GRID2: variants seen among roughly 807,000 people sequenced by gnomAD.
The protein encoded by GRID2 is glutamate receptor ionotropic, delta-2.
A neutral mutation model predicts 114.8 loss-of-function variants in GRID2; 33 were observed. That is an observed-to-expected ratio of 0.29 (90% confidence interval 0.22 to 0.38). GRID2 has a LOEUF of 0.38. Ranked by LOEUF, GRID2 falls within the 10% of genes least tolerant of loss-of-function variation. The probability of loss-of-function intolerance (pLI) is 1.00; values close to 1 mark genes in which losing one functional copy is unlikely to be tolerated. For missense variants in GRID2, 1,184 were observed against 1,257.7 expected (o/e 0.94, Z 0.89); for synonymous variants, 505 against 449.9 (o/e 1.12, Z -1.55).
intron 14 of GRID2, among the ~76,000 whole-genome samples, chr4:93,697,572 T>C (rs545469251): frequency 6.6e-6 from 1 of 152,014 alleles, no homozygotes; most frequent in Non-Finnish European, 1.5e-5. Flanking sequence ...TAATTTACTG[T>C]CCAGAAGAAG....
intron 2 of GRID2, among the ~76,000 whole-genome samples, chr4:93,056,988 A>T (rs921274388): frequency 6.6e-6 from 1 of 152,010 alleles, no homozygotes; most frequent in Non-Finnish European, 1.5e-5. Context: ...AATTTTATAA[A>T]TCCGAAGTAA....
At chr4:93,338,285 C>T (rs1759293120) in intron 8 of GRID2, among the ~76,000 whole-genome samples, 1 of 152,210 alleles carries the variant, frequency 6.6e-6, no homozygotes, top group East Asian at 1.9e-4. Context: ...TTCTCCATGA[C>T]TTTCCTAAAT....
chr4:93,684,434 T>A (rs904581437), intron 14 of GRID2, among the ~76,000 whole-genome samples: 2 of 152,174 alleles, frequency 1.3e-5, no homozygotes, highest in African/African-American at 4.8e-5. Flanking sequence ...AAAAGTGTTC[T>A]TTTTGTTACC....
At chr4:93,625,818 G>A (rs1742660380) in intron 13 of GRID2, among the ~76,000 whole-genome samples, 1 of 152,192 alleles carries the variant, frequency 6.6e-6, no homozygotes, top group Non-Finnish European at 1.5e-5. Flanking sequence ...GGGAGGTTGA[G>A]GCAGGAGAAT....
chr4:92,328,076 T>C (rs1726688915), intron 1 of GRID2, among the ~76,000 whole-genome samples: 1 of 151,944 alleles, frequency 6.6e-6, no homozygotes, highest in Non-Finnish European at 1.5e-5. Flanking sequence ...AGGGGCTATA[T>C]AAGATAGAGA....
chr4:93,436,156 C>G (rs537033965), intron 10 of GRID2, among the ~76,000 whole-genome samples: 1 of 152,218 alleles, frequency 6.6e-6, no homozygotes, highest in Admixed American at 6.5e-5. Flanking sequence ...GATCCAGGCT[C>G]CTTTCATCAG....
intron 1 of GRID2, among the ~76,000 whole-genome samples, chr4:92,445,468 T>G (rs546067792): frequency 7.6e-4 from 116 of 152,328 alleles, no homozygotes; most frequent in African/African-American, 2.7e-3. Context: ...GAAGGAGATT[T>G]TATTAAACTT....
At chr4:92,601,007 G>A (rs1180754224) in intron 2 of GRID2, among the ~76,000 whole-genome samples, 1 of 152,148 alleles carries the variant, frequency 6.6e-6, no homozygotes, top group African/African-American at 2.4e-5. Context: ...GATCCATGGA[G>A]ACCACAGCCG....
intron 1 of GRID2, among the ~76,000 whole-genome samples, chr4:92,417,526 T>G (rs1731677888): frequency 2.0e-5 from 3 of 152,026 alleles, no homozygotes; most frequent in African/African-American, 7.2e-5. Flanking sequence ...AGTAATTAAT[T>G]GTAACAAAAA....
At chr4:93,071,318 A>G (rs1208571238) in intron 2 of GRID2, among the ~76,000 whole-genome samples, 1 of 152,104 alleles carries the variant, frequency 6.6e-6, no homozygotes, top group African/African-American at 2.4e-5. Flanking sequence ...TGTTTACTCA[A>G]TTATTCATTC....
chr4:92,604,793 CA>C (rs1729375671), intron 2 of GRID2, among the ~76,000 whole-genome samples: 1 of 152,018 alleles, frequency 6.6e-6, no homozygotes, highest in Non-Finnish European at 1.5e-5. Flanking sequence ...GCCAGGGATC[CA>C]TGTGAGCACA....
intron 2 of GRID2, among the ~76,000 whole-genome samples, chr4:92,846,770 C>G (rs1743355855): frequency 1.3e-5 from 2 of 152,092 alleles, no homozygotes; most frequent in African/African-American, 4.8e-5. Flanking sequence ...TCAGTCAGCT[C>G]TCCACACAAA....
At chr4:93,726,024 A>G (rs376899006) in intron 14 of GRID2, among the ~76,000 whole-genome samples, 2 of 152,136 alleles carry the variant, frequency 1.3e-5, no homozygotes, top group African/African-American at 2.4e-5. Context: ...TTTGGTTGCC[A>G]TTGCTTTTGG....
At chr4:93,082,388 T>C (rs1053076315) in intron 2 of GRID2, among the ~76,000 whole-genome samples, 1 of 152,198 alleles carries the variant, frequency 6.6e-6, no homozygotes. Context: ...GGGTCATCTA[T>C]TTTGTTTTTT....
intron 4 of GRID2, among the ~76,000 whole-genome samples, chr4:93,162,894 G>T (rs1237721860): frequency 4.6e-5 from 7 of 152,010 alleles, no homozygotes; most frequent in Admixed American, 4.6e-4. Context: ...AAGATTAAAT[G>T]AAGAGAAAAG....
At chr4:92,432,246 G>C (rs1306788684) in intron 1 of GRID2, among the ~76,000 whole-genome samples, 1 of 152,062 alleles carries the variant, frequency 6.6e-6, no homozygotes, top group African/African-American at 2.4e-5. Context: ...CCACTGCCTG[G>C]CTACTACTGA....
intron 2 of GRID2, among the ~76,000 whole-genome samples, chr4:92,710,274 G>A (rs1007390335): frequency 1.1e-4 from 16 of 151,696 alleles, no homozygotes; most frequent in African/African-American, 3.9e-4. Flanking sequence ...ATTGCTAAAA[G>A]AGAAGAAAAT....
At chr4:93,157,558 A>T (rs1737299681) in intron 4 of GRID2, among the ~76,000 whole-genome samples, 1 of 151,888 alleles carries the variant, frequency 6.6e-6, no homozygotes, top group East Asian at 1.9e-4. Context: ...TTACTGGAAA[A>T]GTAGAAACGC....
intron 8 of GRID2, among the ~76,000 whole-genome samples, chr4:93,348,135 C>T (rs1025889785): frequency 6.6e-6 from 1 of 152,078 alleles, no homozygotes; most frequent in Non-Finnish European, 1.5e-5. Flanking sequence ...GGCATTTTGG[C>T]TGTATTGATG....
Sources: allele counts gnomAD v4.1 joint callset (sites outside exome capture counted in the v4.1 genomes callset), GRCh38; gene constraint gnomAD v4.1.1; transcripts MANE v1.5; gene names NCBI Gene and HGNC (gene_info 2026-07-23, HGNC 2026-07-21).